The following CALN1 variants were observed in gnomAD, a reference collection of about 807,000 sequenced individuals.
CALN1 encodes the protein calcium-binding protein 8.
Under a neutral mutation model 30.6 loss-of-function variants are expected in CALN1, and 17 were observed. That is an observed-to-expected ratio of 0.56 (90% confidence interval 0.38 to 0.83). CALN1 has a LOEUF of 0.83. CALN1 is among the 40% of genes least tolerant of loss of function. CALN1 has a pLI of 0.00. For missense variants in CALN1, 291 were observed against 354.9 expected, an observed-to-expected ratio of 0.82 and a Z score of 1.45; for synonymous variants, 156 against 131.4, an observed-to-expected ratio of 1.19 and a Z score of -1.28.
chr7:72,397,714 T>TCTCTCTCACA lies in CALN1; in HGVS notation c.119+5536_119+5537insTGTGAGAGAG, dbSNP rs142607076. Among the ~76,000 whole-genome samples, 67 of 142,912 alleles carry TCTCTCTCACA rather than the reference T, an allele frequency of 4.7e-4. 1 individual carries two copies. Among genetic ancestry groups the TCTCTCTCACA allele is most frequent in the African/African-American group, 1.6e-3 (61 of 38,228 alleles). 93.8% of individuals were successfully genotyped at this position (142,912 alleles called of 152,430 possible). ...GATCTTGGAGAGCACCCATTCTCTC[T>TCTCTCTCACA]CACACACACACACACACACACACAC... On this transcript the variant is annotated intron_variant, in intron 2 of 6. Transcript: ENST00000395275.
chr7:72,152,239 G>C (rs1316135721), intron 3 of CALN1, among the ~76,000 whole-genome samples: 1 of 151,906 alleles, frequency 6.6e-6, no homozygotes, highest in Non-Finnish European at 1.5e-5. Flanking sequence ...GCTATGAAGA[G>C]ATTTCATAGG....
intron 2 of CALN1, among the ~76,000 whole-genome samples, chr7:72,371,605 T>G (rs1435043942): frequency 6.6e-6 from 1 of 152,226 alleles, no homozygotes; most frequent in Non-Finnish European, 1.5e-5. Flanking sequence ...TTAACCTCTT[T>G]ACTTTATAAA....
chr7:71,841,635 ATGTGGTAGATATACAC>A (rs763800625), intron 5 of CALN1, among the ~76,000 whole-genome samples: 23 of 152,230 alleles, frequency 1.5e-4, no homozygotes, highest in Admixed American at 2.6e-4. Context: ...GATAAAGAAA[ATGTGGTAGATATACAC>A]TGTGGAATAC....
At chr7:72,486,411 G>T in the CALN1 span, among the ~76,000 whole-genome samples, 6 of 151,534 alleles carry the variant, frequency 4.0e-5, no homozygotes, top group Non-Finnish European at 8.8e-5. Context: ...TTGTTCTGTC[G>T]CCCAGGCTGG....
At chr7:72,293,013 T>C (rs894009877) in intron 2 of CALN1, among the ~76,000 whole-genome samples, 7 of 152,040 alleles carry the variant, frequency 4.6e-5, no homozygotes, top group African/African-American at 1.7e-4. Context: ...AGGTTCCTGT[T>C]GTTCAGTAGC....
chr7:71,787,640 T>A lies in CALN1; in HGVS notation c.*135A>T. 7.7e-7 allele frequency: 1 copy of A among 1,298,380 alleles called. No homozygotes were observed. The highest frequency in any genetic ancestry group is 1.0e-6 in the Non-Finnish European group (1 of 963,492). The allele number at this position is 1,298,380 out of a possible 1,614,324, so 80.4% of individuals were successfully genotyped here. On this transcript the variant is annotated 3_prime_UTR_variant, in exon 7 of 7. Coordinates refer to ENST00000395275, the MANE Select transcript of CALN1 (RefSeq NM_031468.4). Reference sequence around the variant, plus strand: ...ACCCCAGTTGCACTCAACCTTGGGTTCTTTACTGAACGGTTCCATCGTCCG... The same window carrying A: ...ACCCCAGTTGCACTCAACCTTGGGTACTTTACTGAACGGTTCCATCGTCCG...
intron 5 of CALN1, among the ~76,000 whole-genome samples, chr7:71,829,137 G>A (rs1278454060): frequency 6.6e-6 from 1 of 152,174 alleles, no homozygotes; most frequent in Non-Finnish European, 1.5e-5. Context: ...CCCTGAGGCT[G>A]TGTCACAGGT....
At chr7:71,788,822 T>A (rs1286244902) in intron 6 of CALN1, among the ~76,000 whole-genome samples, 1 of 152,012 alleles carries the variant, frequency 6.6e-6, no homozygotes, top group Admixed American at 6.5e-5. Flanking sequence ...CATGCCCGGC[T>A]AATTTTTTGT....
intron 4 of CALN1, among the ~76,000 whole-genome samples, chr7:72,095,612 C>A (rs2129540171): frequency 6.6e-6 from 1 of 152,296 alleles, no homozygotes; most frequent in Non-Finnish European, 1.5e-5. Context: ...GGAGGGGCTT[C>A]ACTCCCTAGA....
intron 5 of CALN1, among the ~76,000 whole-genome samples, chr7:71,934,152 G>C (rs1436437163): frequency 6.6e-6 from 1 of 152,170 alleles, no homozygotes; most frequent in Non-Finnish European, 1.5e-5. Flanking sequence ...ACTGGCTCAT[G>C]CAACTTCTAG....
intron 3 of CALN1, among the ~76,000 whole-genome samples, chr7:72,144,843 G>A (rs867800292): frequency 8.5e-5 from 13 of 152,158 alleles, no homozygotes; most frequent in East Asian, 5.8e-4. Flanking sequence ...TCAACTACAC[G>A]GAAACAACAA....
At chr7:71,829,202 A>C (rs972466707) in intron 5 of CALN1, among the ~76,000 whole-genome samples, 2 of 152,202 alleles carry the variant, frequency 1.3e-5, no homozygotes, top group Non-Finnish European at 2.9e-5. Flanking sequence ...GACCTGTCTC[A>C]AATTGGGGTT....
chr7:72,416,590 C>G (rs1807426452), upstream of CALN1, among the ~76,000 whole-genome samples: 1 of 152,040 alleles, frequency 6.6e-6, no homozygotes, highest in South Asian at 2.1e-4. Context: ...CAAAACTTAG[C>G]TGAGCATGGT....
the CALN1 span, among the ~76,000 whole-genome samples, chr7:72,463,963 G>A: frequency 4.8e-5 from 6 of 125,046 alleles, no homozygotes; most frequent in African/African-American, 1.9e-4. Context: ...AAGGAAGGAA[G>A]GAAGGAAGGA....
intron 6 of CALN1, 144 bp from the exon 7 acceptor site, chr7:71,788,046 T>C (rs1222144739): frequency 1.0e-5 from 11 of 1,082,388 alleles, no homozygotes; most frequent in Non-Finnish European, 1.5e-5. Context: ...TCAAATCAAG[T>C]TGACAGGCAT....
rs1792913717 is a variant in CALN1 at position 71,785,052 on chromosome 7, T to G, written c.*2723A>C. ...CTCTGAGCTCCTGAAGTCTAAGGAA[T>G]GCCGCTAGCTCAGGGCCGTCTCCAC... On this transcript the variant is annotated 3_prime_UTR_variant, in exon 7 of 7. Transcript: ENST00000395275. 1 of 394,778 alleles carries G rather than the reference T, an allele frequency of 2.5e-6. No homozygotes were observed. Among genetic ancestry groups the G allele is most frequent in the African/African-American group, 2.1e-5 (1 of 48,560 alleles). The allele number at this position is 394,778 out of a possible 1,614,324, so 24.5% of individuals were successfully genotyped here.
At chr7:72,246,753 A>ATCTTTTTT (rs1795191653) in intron 3 of CALN1, among the ~76,000 whole-genome samples, 1 of 116,572 alleles carries the variant, frequency 8.6e-6, no homozygotes, top group Admixed American at 9.8e-5. Flanking sequence ...TACCAGAACA[A>ATCTTTTTT]TTTTTTTTTT....
chr7:71,945,660 A>C (rs1796367948), intron 5 of CALN1, among the ~76,000 whole-genome samples: 1 of 152,196 alleles, frequency 6.6e-6, no homozygotes, highest in African/African-American at 2.4e-5. Context: ...CCTTGTGAGA[A>C]TCTAATGCCT....
At chr7:72,460,489 G>A in the CALN1 span, among the ~76,000 whole-genome samples, 3 of 151,896 alleles carry the variant, frequency 2.0e-5, no homozygotes, top group African/African-American at 4.8e-5. Context: ...AAAATTAGCC[G>A]GGCGTGGTGG....
Sources: allele counts gnomAD v4.1 joint callset (sites outside exome capture counted in the v4.1 genomes callset), GRCh38; gene constraint gnomAD v4.1.1; transcripts MANE v1.5; gene names NCBI Gene and HGNC (gene_info 2026-07-23, HGNC 2026-07-21).